The following FBXL13 variants were observed in gnomAD, a reference collection of about 807,000 sequenced individuals.
FBXL13 encodes the protein F-box and leucine-rich repeat protein 13.
Under a neutral mutation model 83.6 loss-of-function variants are expected in FBXL13, and 67 were observed. The ratio of observed to expected loss-of-function variants is 0.80; its 90% CI spans 0.66 to 0.98. The LOEUF (loss-of-function observed/expected upper bound fraction) is 0.98, where lower values mean the gene tolerates loss of function less well. Ranked by LOEUF, FBXL13 falls within the 50% of genes least tolerant of loss-of-function variation. The probability of loss-of-function intolerance (pLI) is 0.00; values close to 1 mark genes in which losing one functional copy is unlikely to be tolerated. For synonymous variants in FBXL13, 272 were observed against 299.5 expected (o/e 0.91, Z 0.95); for missense variants, 822 against 866.5 (o/e 0.95, Z 0.64).
At chr7:103,054,577 G>T (rs879260929) in intron 2 of FBXL13, among the ~76,000 whole-genome samples, 4 of 152,056 alleles carry the variant, frequency 2.6e-5, no homozygotes, top group Non-Finnish European at 4.4e-5. Context: ...ACTAGCTGCT[G>T]GTACCAGTTT....
intron 6 of FBXL13, among the ~76,000 whole-genome samples, chr7:103,022,074 C>G (rs1277893467): frequency 6.6e-6 from 1 of 152,118 alleles, no homozygotes; most frequent in Non-Finnish European, 1.5e-5. Flanking sequence ...AGACTTGGAA[C>G]CAACCCAAAT....
intron 16 of FBXL13, among the ~76,000 whole-genome samples, chr7:102,861,838 C>T (rs1191050871): frequency 1.3e-5 from 2 of 151,772 alleles, no homozygotes; most frequent in Non-Finnish European, 2.9e-5. Context: ...AAAAATTATC[C>T]GGGCATGGTG....
chr7:102,946,761 G>A (rs867686639), intron 8 of FBXL13, among the ~76,000 whole-genome samples: 2 of 151,610 alleles, frequency 1.3e-5, no homozygotes, highest in Non-Finnish European at 1.5e-5. Flanking sequence ...TGTAGCCTTC[G>A]CCTCCTGGGT....
rs146009509 is a variant in FBXL13 at position 102,976,321 on chromosome 7, A to G, written c.496-8204T>C. On this transcript the variant is annotated intron_variant, in intron 6 of 19. Coordinates refer to ENST00000313221, the Ensembl canonical transcript of FBXL13. ...ACCCACCCAGTCCTCCCAAGTCTCT[A>G]TTGTGGAAATTGATGAACAAGCCTC... 2.9e-4 allele frequency: 181 copies of G among 633,962 alleles called. 2 individuals are homozygous for G. The African/African-American group carries it at 3.0e-3, about 10-fold the overall frequency. The allele number at this position is 633,962 out of a possible 1,614,324, so 39.3% of individuals were successfully genotyped here. A position where few individuals can be genotyped will look rare whatever the true frequency, so the allele number is the denominator to read the frequency against.
rs190418461 is a variant in FBXL13 at position 102,958,407 on chromosome 7, G to T, written c.724+5126C>A. On this transcript the variant is annotated intron_variant, in intron 8 of 19. Transcript: ENST00000313221. ...GTTGGGGGTGGTGGACTGGGGGAGG[G>T]ATAGCATTAGGAGAAATACCTAATA... 3.7e-3 allele frequency among the ~76,000 whole-genome samples: 568 copies of T among 151,970 alleles called. 8 individuals carry two copies. Among genetic ancestry groups the T allele is most frequent in the African/African-American group, 0.014 (561 of 41,406 alleles).
chr7:102,940,481 A>G (rs1334398199), intron 8 of FBXL13, among the ~76,000 whole-genome samples: 1 of 152,170 alleles, frequency 6.6e-6, no homozygotes, highest in Non-Finnish European at 1.5e-5. Flanking sequence ...AAGTGCTGGG[A>G]TTACAGGCGT....
chr7:102,934,400 A>C (rs1195418294), intron 8 of FBXL13: 2 of 1,614,204 alleles, frequency 1.2e-6, no homozygotes, highest in East Asian at 4.5e-5. Context: ...TCTTTATGAC[A>C]ACCCCTGGCA....
At chr7:102,890,226 A>G (rs1811362192) in intron 11 of FBXL13, among the ~76,000 whole-genome samples, 1 of 152,252 alleles carries the variant, frequency 6.6e-6, no homozygotes, top group Non-Finnish European at 1.5e-5. Flanking sequence ...TCCTCTCTAA[A>G]GGAAAAAGCA....
intron 19 of FBXL13, among the ~76,000 whole-genome samples, chr7:102,818,107 T>C (rs1236911938): frequency 6.6e-6 from 1 of 152,220 alleles, no homozygotes; most frequent in East Asian, 1.9e-4. Context: ...TTCTAATCTC[T>C]TGAGTAGGCA....
intron 8 of FBXL13, among the ~76,000 whole-genome samples, chr7:102,950,904 T>A (rs2129477131): frequency 6.6e-6 from 1 of 152,288 alleles, no homozygotes; most frequent in Non-Finnish European, 1.5e-5. Flanking sequence ...GGAATGAAAC[T>A]ACTCAGCACA....
At chr7:102,889,614 A>G (rs985767508) in intron 11 of FBXL13, among the ~76,000 whole-genome samples, 1 of 149,788 alleles carries the variant, frequency 6.7e-6, no homozygotes, top group African/African-American at 2.5e-5. Context: ...CCTTGTGTCC[A>G]GGTGTTCTCA....
At chr7:102,866,132 T>C (rs1024860372) in intron 16 of FBXL13, among the ~76,000 whole-genome samples, 6 of 152,198 alleles carry the variant, frequency 3.9e-5, no homozygotes, top group African/African-American at 1.2e-4. Flanking sequence ...GTGATGCTTA[T>C]AGAAGGAAGG....
At chr7:102,843,675 T>C (rs1584570768) in intron 17 of FBXL13, among the ~76,000 whole-genome samples, 1 of 150,794 alleles carries the variant, frequency 6.6e-6, no homozygotes, top group Middle Eastern at 3.6e-3. Flanking sequence ...ACTCCAGAGG[T>C]TGAGACAGGA....
chr7:103,007,214 A>T (rs1291341797), intron 6 of FBXL13, among the ~76,000 whole-genome samples: 2 of 152,104 alleles, frequency 1.3e-5, no homozygotes, highest in African/African-American at 2.4e-5. Flanking sequence ...ATTTGCTAAA[A>T]ATATAAACCC....
At chr7:102,846,544 G>GAAA (rs1554412282) in intron 17 of FBXL13, among the ~76,000 whole-genome samples, 8 of 150,802 alleles carry the variant, frequency 5.3e-5, no homozygotes, top group African/African-American at 2.0e-4. Flanking sequence ...GTCTGAGCCC[G>GAAA]GAAGGAGGTT....
intron 2 of FBXL13, among the ~76,000 whole-genome samples, chr7:103,045,227 T>C (rs1196948932): frequency 6.6e-6 from 1 of 152,242 alleles, no homozygotes; most frequent in Non-Finnish European, 1.5e-5. Flanking sequence ...TATGAATGGT[T>C]GAAGTATGGC....
chr7:102,901,214 A>C (rs1165523411), intron 11 of FBXL13, among the ~76,000 whole-genome samples: 1 of 152,240 alleles, frequency 6.6e-6, no homozygotes, highest in African/African-American at 2.4e-5. Context: ...AAAATTTTAC[A>C]TATTGGCTTG....
At chr7:102,902,048 C>A (rs1424209926) in intron 11 of FBXL13, among the ~76,000 whole-genome samples, 4 of 152,172 alleles carry the variant, frequency 2.6e-5, no homozygotes, top group African/African-American at 9.7e-5. Flanking sequence ...TACATTCCCA[C>A]CAGCAGTGTA....
intron 17 of FBXL13, 47 bp downstream of exon 18, chr7:102,854,729 GA>G (rs778468357): frequency 5.6e-6 from 7 of 1,240,910 alleles, no homozygotes; most frequent in Non-Finnish European, 7.7e-6. Context: ...AAGAAAAAAA[GA>G]AAAATTTCAA....
Sources: allele counts gnomAD v4.1 joint callset (sites outside exome capture counted in the v4.1 genomes callset), GRCh38; gene constraint gnomAD v4.1.1; transcripts MANE v1.5; gene names NCBI Gene and HGNC (gene_info 2026-07-23, HGNC 2026-07-21).